The following TNR variants were observed in gnomAD, a reference collection of about 807,000 sequenced individuals.
TNR encodes tenascin-R.
TNR carries 45 observed loss-of-function variants against 150.4 expected under a neutral mutation model. That is an observed-to-expected ratio of 0.30 (90% CI 0.24 to 0.38). The LOEUF is 0.38. Ranked by LOEUF, TNR falls within the 10% of genes least tolerant of loss-of-function variation. The pLI is 1.00. For synonymous variants in TNR, 687 were observed against 678.4 expected, an observed-to-expected ratio of 1.01 and a Z score of -0.20; for missense variants, 1,544 against 1,759.1, an observed-to-expected ratio of 0.88 and a Z score of 2.19.
intron 1 of TNR, among the ~76,000 whole-genome samples, chr1:175,598,730 G>C (rs1229041531): frequency 6.6e-6 from 1 of 152,214 alleles, no homozygotes; most frequent in East Asian, 1.9e-4. Context: ...GGTCACATCT[G>C]ACCCTGCTCC....
At chr1:175,348,160 A>C (rs1650888449) in intron 18 of TNR, among the ~76,000 whole-genome samples, 1 of 152,214 alleles carries the variant, frequency 6.6e-6, no homozygotes, top group African/African-American at 2.4e-5. Context: ...AATTATCAGC[A>C]ATACAAAATG....
intron 18 of TNR, among the ~76,000 whole-genome samples, chr1:175,346,888 G>GAAAAAAAAAAAA (rs59468796): frequency 8.0e-6 from 1 of 125,070 alleles, no homozygotes. Flanking sequence ...TTCCACAAAA[G>GAAAAAAAAAAAA]AAAAAAAAAA....
intron 1 of TNR, among the ~76,000 whole-genome samples, chr1:175,547,686 G>C (rs1463498855): frequency 6.6e-6 from 1 of 151,630 alleles, no homozygotes; most frequent in Non-Finnish European, 1.5e-5. Context: ...GAGAGAGAAA[G>C]AAAGAAAAAA....
chr1:175,415,595 T>C lies in TNR; in HGVS notation c.-63-8818A>G, dbSNP rs767354204. On this transcript the variant is annotated intron_variant, in intron 2 of 22. Coordinates refer to ENST00000367674, the MANE Select transcript of TNR (RefSeq NM_003285.3). ...TCAGAACCTAATGGATCCACACTCA[T>C]TTTTCAGCACATGCGGTCAGCCCAG... Among the ~76,000 whole-genome samples, 15 of 152,342 alleles carry C rather than the reference T, an allele frequency of 9.8e-5. No individual in the cohort carries two copies. In the Middle Eastern group the frequency reaches 0.01, roughly 104 times the overall value.
chr1:175,619,523 C>A (rs952661782), intron 1 of TNR, among the ~76,000 whole-genome samples: 1 of 152,154 alleles, frequency 6.6e-6, no homozygotes, highest in Non-Finnish European at 1.5e-5. Context: ...CAAGTGCCAA[C>A]CTGGCTGGGG....
At chr1:175,706,987 G>A (rs1274348160) in intron 1 of TNR, among the ~76,000 whole-genome samples, 2 of 152,138 alleles carry the variant, frequency 1.3e-5, no homozygotes, top group Admixed American at 6.5e-5. Context: ...AGAAGCTTAC[G>A]GTGATATGAC....
intron 18 of TNR, among the ~76,000 whole-genome samples, chr1:175,338,187 C>T (rs1650339469): frequency 1.3e-5 from 2 of 152,290 alleles, no homozygotes; most frequent in South Asian, 2.1e-4. Flanking sequence ...TTAAGGAATG[C>T]CCAAACAAGC....
rs539909013 is a variant in TNR, at chr1:175,608,007, C to T, written c.-164-79638G>A. On this transcript the variant is annotated intron_variant, in intron 1 of 22. Coordinates refer to ENST00000367674, the MANE Select transcript of TNR (RefSeq NM_003285.3). The stretch of plus-strand genomic sequence containing the variant: ...GGGACAGCAGAGGCTTTCTGACCTA[C>T]AGCCACTGTGCCTCACTAGGAAGAG... Among the ~76,000 whole-genome samples the T allele has an allele frequency of 3.3e-5, 5 of 152,354 alleles. No homozygotes were observed. In the South Asian group the frequency reaches 6.2e-4, roughly 19 times the overall value.
chr1:175,697,124 T>A (rs115181514), intron 1 of TNR, among the ~76,000 whole-genome samples: 4,179 of 151,918 alleles, frequency 0.028, 187 homozygotes, highest in African/African-American at 0.095. Context: ...TACATATATC[T>A]GTAATTTCTC....
rs1282904890 is a variant in TNR at position 175,576,662 on chromosome 1, T to A, written c.-164-48293A>T. 2.6e-5 allele frequency among the ~76,000 whole-genome samples: 4 copies of A among 152,228 alleles called. 1 individual carries two copies. The highest frequency in any genetic ancestry group is 4.4e-5 in the Non-Finnish European group (3 of 68,042). On this transcript the variant is annotated intron_variant, in intron 1 of 22. Transcript: ENST00000367674. ...CCATCCCAAGCTTGTAAATACTTCATAAACTTTACTATCCTTTGCTAAATG... is the reference window on the plus strand; with the variant it reads ...CCATCCCAAGCTTGTAAATACTTCAAAAACTTTACTATCCTTTGCTAAATG...
chr1:175,427,938 A>C, intron 2 of TNR, among the ~76,000 whole-genome samples: 3 of 115,376 alleles, frequency 2.6e-5, no homozygotes, highest in Non-Finnish European at 1.7e-5. Context: ...TCCTGTCTCC[A>C]TTTCCCAGGC....
Position 175,590,014 on chromosome 1 carries a change from A to G in TNR, c.-164-61645T>C, listed in dbSNP as rs115638854. 8.5e-3 allele frequency among the ~76,000 whole-genome samples: 1,292 copies of G among 152,330 alleles called. 23 individuals carry two copies. The highest frequency in any genetic ancestry group is 0.028 in the African/African-American group (1,171 of 41,570). ...AGTATAATAATAATAAAAAAAAGAC[A>G]GAATCAGTATTTCTGATTTTTCCTT... On this transcript the variant is annotated intron_variant, in intron 1 of 22. Coordinates refer to ENST00000367674, the MANE Select transcript of TNR (RefSeq NM_003285.3).
chr1:175,731,961 C>T (rs1285804168), intron 1 of TNR, among the ~76,000 whole-genome samples: 1 of 152,222 alleles, frequency 6.6e-6, no homozygotes, highest in Non-Finnish European at 1.5e-5. Flanking sequence ...CTATAAAGTG[C>T]TGAACATTCC....
intron 2 of TNR, among the ~76,000 whole-genome samples, chr1:175,446,231 A>G (rs191534506): frequency 3.3e-5 from 5 of 152,318 alleles, no homozygotes; most frequent in East Asian, 1.9e-4. Context: ...CAGCTCAGCC[A>G]CTCAGAGCCT....
chr1:175,363,318 A>G (rs1472976248), intron 13 of TNR, among the ~76,000 whole-genome samples: 4 of 152,232 alleles, frequency 2.6e-5, no homozygotes, highest in Non-Finnish European at 4.4e-5. Context: ...GCTTCCCTCC[A>G]AGGCTCCATC....
chr1:175,637,196 C>T (rs734718), intron 1 of TNR, among the ~76,000 whole-genome samples: 1,637 of 152,282 alleles, frequency 0.011, 31 homozygotes, highest in African/African-American at 0.037. Flanking sequence ...ATTTTTGTTG[C>T]TCTCCAGTAT....
At chr1:175,602,762 C>T (rs1211050479) in intron 1 of TNR, among the ~76,000 whole-genome samples, 1 of 152,152 alleles carries the variant, frequency 6.6e-6, no homozygotes, top group Non-Finnish European at 1.5e-5. Context: ...ATTTTATCCC[C>T]AGAATGATTG....
intron 2 of TNR, among the ~76,000 whole-genome samples, chr1:175,513,184 C>A (rs983551231): frequency 6.6e-6 from 1 of 152,094 alleles, no homozygotes; most frequent in African/African-American, 2.4e-5. Context: ...AGTGCTTCTG[C>A]GTGGGCTGTC....
At chr1:175,343,536 T>A (rs1441606885) in intron 18 of TNR, among the ~76,000 whole-genome samples, 1 of 152,200 alleles carries the variant, frequency 6.6e-6, no homozygotes, top group Non-Finnish European at 1.5e-5. Flanking sequence ...CTTTACACTG[T>A]CCCTATTCCA....
Sources: gnomAD v4.1 joint callset for allele counts (sites outside exome capture counted in the v4.1 genomes callset) on GRCh38, gnomAD v4.1.1 for gene constraint, MANE v1.5 for transcripts, NCBI Gene and HGNC (gene_info 2026-07-23, HGNC 2026-07-21) for gene names.